The following DOCK1 variants were observed in gnomAD, a reference collection of about 807,000 sequenced individuals.
DOCK1 encodes the protein dedicator of cytokinesis protein 1.
In DOCK1, 138 loss-of-function variants were observed where a neutral mutation model predicts 262.7. The ratio of observed to expected loss-of-function variants is 0.53; its 90% CI spans 0.46 to 0.61. The LOEUF (loss-of-function observed/expected upper bound fraction) is 0.61. DOCK1 is among the 20% of genes least tolerant of loss of function. The probability of loss-of-function intolerance (pLI) is 0.00; values close to 1 mark genes in which losing one functional copy is unlikely to be tolerated. For missense variants in DOCK1, 1,908 were observed against 2,370.7 expected, an observed-to-expected ratio of 0.80 and a Z score of 4.05; for synonymous variants, 866 against 867.4, an observed-to-expected ratio of 1.00 and a Z score of 0.03.
chr10:127,418,747 G>A (rs1161739628), intron 45 of DOCK1, among the ~76,000 whole-genome samples: 2 of 152,226 alleles, frequency 1.3e-5, no homozygotes, highest in Non-Finnish European at 2.9e-5. Flanking sequence ...AGGCTCCCCT[G>A]GGCATCCCCA....
At chr10:127,304,394 T>G (rs1232562130) in intron 29 of DOCK1, among the ~76,000 whole-genome samples, 1 of 152,200 alleles carries the variant, frequency 6.6e-6, no homozygotes, top group Admixed American at 6.5e-5. Flanking sequence ...ATATTTGTAT[T>G]TTCACTAACC....
chr10:127,093,223 C>CTTTCTTTCTTTCTTTTT (rs2047666900), intron 23 of DOCK1, among the ~76,000 whole-genome samples: 2 of 94,428 alleles, frequency 2.1e-5, no homozygotes, highest in African/African-American at 9.9e-5. Flanking sequence ...TCTTTCTTTT[C>CTTTCTTTCTTTCTTTTT]TTTCTTTCTT....
chr10:127,166,134 C>T (rs1330845629), intron 27 of DOCK1, among the ~76,000 whole-genome samples: 6 of 152,114 alleles, frequency 3.9e-5, no homozygotes, highest in East Asian at 1.9e-4. Context: ...GGCACAATCT[C>T]GGCTCACTGC....
At chr10:127,056,294 C>T (rs934900155) in intron 22 of DOCK1, among the ~76,000 whole-genome samples, 4 of 152,114 alleles carry the variant, frequency 2.6e-5, no homozygotes, top group Admixed American at 1.3e-4. Flanking sequence ...AGCCTCAAAC[C>T]CCTGGGCTCA....
intron 1 of DOCK1, among the ~76,000 whole-genome samples, chr10:126,906,161 C>T (rs1205487112): frequency 6.6e-6 from 1 of 152,202 alleles, no homozygotes; most frequent in African/African-American, 2.4e-5. Flanking sequence ...GGCGAGCGGC[C>T]GAGCGCCCCA....
chr10:127,181,058 A>C (rs372913679), intron 27 of DOCK1, among the ~76,000 whole-genome samples: 2 of 152,334 alleles, frequency 1.3e-5, no homozygotes, highest in East Asian at 3.9e-4. Flanking sequence ...TATCAGAATA[A>C]GAAAAACCCA....
chr10:127,433,697 G>A (rs907860926), intron 48 of DOCK1, among the ~76,000 whole-genome samples: 3 of 152,126 alleles, frequency 2.0e-5, no homozygotes, highest in Non-Finnish European at 4.4e-5. Flanking sequence ...TGAGTGTTCA[G>A]TCCTCTTCAG....
At chr10:127,287,914 CT>C (rs1392809578) in intron 29 of DOCK1, among the ~76,000 whole-genome samples, 3 of 152,218 alleles carry the variant, frequency 2.0e-5, no homozygotes, top group Admixed American at 2.0e-4. Context: ...TAAAAAAATC[CT>C]TACTCTAATT....
At chr10:127,361,942 A>C (rs1269342004) in intron 32 of DOCK1, 122 bp from the exon 33 acceptor site, 1 of 1,142,608 alleles carries the variant, frequency 8.8e-7, no homozygotes, top group Non-Finnish European at 1.2e-6. Context: ...AAATGGATGC[A>C]CATTTTCGGG....
intron 23 of DOCK1, among the ~76,000 whole-genome samples, chr10:127,093,941 A>T (rs1201613880): frequency 6.6e-6 from 1 of 152,180 alleles, no homozygotes; most frequent in Admixed American, 6.5e-5. Flanking sequence ...CCATGGCAGA[A>T]GGTGAGAGTG....
rs117014059 is a variant in DOCK1 at position 127,048,666 on chromosome 10, A to G, written c.2202-4015A>G. ...TATTTAAATAAAATTAAACTAAACA[A>G]TTACTTCCGCAGTTGTGCCAGGTGT... On this transcript the variant is annotated intron_variant, in intron 21 of 51. Transcript: ENST00000623213. 6.6e-5 allele frequency among the ~76,000 whole-genome samples: 10 copies of G among 152,334 alleles called. No homozygotes were observed. The East Asian group carries it at 1.7e-3, about 26-fold the overall frequency.
chr10:127,173,242 CCT>C (rs144168285), intron 27 of DOCK1, among the ~76,000 whole-genome samples: 32,330 of 152,012 alleles, frequency 0.21, 4,204 homozygotes, highest in South Asian at 0.29. Flanking sequence ...CATTCCATCC[CCT>C]GTCTGCAGGA....
chr10:127,033,905 G>A (rs1392689687), intron 18 of DOCK1, among the ~76,000 whole-genome samples: 2 of 152,182 alleles, frequency 1.3e-5, no homozygotes, highest in Non-Finnish European at 2.9e-5. Flanking sequence ...TGCTTGGTGT[G>A]GGAGCAGTAA....
chr10:127,113,482 A>C (rs934338321), intron 25 of DOCK1, among the ~76,000 whole-genome samples: 1 of 152,212 alleles, frequency 6.6e-6, no homozygotes, highest in Non-Finnish European at 1.5e-5. Context: ...TGATATAATG[A>C]CAAGTAGATC....
intron 18 of DOCK1, 98 bp downstream of exon 18, chr10:127,032,418 A>G (rs2043304069): frequency 7.7e-7 from 1 of 1,305,102 alleles, no homozygotes; most frequent in Non-Finnish European, 1.0e-6. Context: ...CCGTAGGTGC[A>G]TGAACGTCAC....
rs190712775 is a variant in DOCK1 at position 126,995,810 on chromosome 10, G to A, written c.474-938G>A. ...GTTGCTTAACCTTATTGTAGATAAC[G>A]TCCATATGTTTGGTGTTCACATACA... On this transcript the variant is annotated intron_variant, in intron 6 of 51. Coordinates refer to ENST00000623213, the MANE Select transcript of DOCK1 (RefSeq NM_001290223.2). This position sits in a 1 kb window ranked among gnomAD's most constrained non-coding sequence, Gnocchi z 5.8. 2.0e-5 allele frequency among the ~76,000 whole-genome samples: 3 copies of A among 152,320 alleles called. No individual in the cohort carries two copies. The highest frequency in any genetic ancestry group is 1.9e-4 in the East Asian group (1 of 5,172).
chr10:127,419,741 G>T lies in DOCK1; in HGVS notation c.4768G>T (p.Ala1590Ser), dbSNP rs912863246. The change falls in exon 46 of 52, where the codon GCT becomes TCT. Residue 1590 changes from alanine to serine, a missense_variant. This residue lies in a region of DOCK1 where 383 missense variants were observed against 420.1 expected (regional missense o/e 0.91). Transcript: ENST00000623213. ...GATCGAGAAGCTCAAGGACCTGATTGCTTGGCAGGTAAAGTGTCCAGCAAG... is the reference window on the plus strand; with the variant it reads ...GATCGAGAAGCTCAAGGACCTGATTTCTTGGCAGGTAAAGTGTCCAGCAAG... The part of the protein sequence containing the change: ...EKIEKLKDLI[A>S]WQIPFLAEGI... 8 of 1,595,868 alleles carry T rather than the reference G, an allele frequency of 5.0e-6. No homozygotes were observed. The highest frequency in any genetic ancestry group is 1.1e-5 in the South Asian group (1 of 87,822).
intron 29 of DOCK1, among the ~76,000 whole-genome samples, chr10:127,322,623 A>G (rs1210261760): frequency 6.6e-6 from 1 of 152,268 alleles, no homozygotes; most frequent in African/African-American, 2.4e-5. Flanking sequence ...AAAGGATTGA[A>G]AAAAGGCAAG....
At chr10:127,419,606 T>C in intron 45 of DOCK1, 60 bp from the exon 46 acceptor site, 13 of 1,480,374 alleles carry the variant, frequency 8.8e-6, no homozygotes, top group Non-Finnish European at 1.2e-5. Context: ...ACACAGTAAG[T>C]GTGCAAAAAC....
Sources: gnomAD v4.1 joint callset for allele counts (sites outside exome capture counted in the v4.1 genomes callset) on GRCh38, gnomAD v4.1.1 for gene constraint, gnomAD v4.1.1 regional missense constraint, Gnocchi (gnomAD v3.1) non-coding constraint, MANE v1.5 for transcripts, NCBI Gene and HGNC (gene_info 2026-07-23, HGNC 2026-07-21) for gene names.